The following NXPE4 variants were observed in gnomAD, a reference collection of about 807,000 sequenced individuals.
NXPE4 encodes NXPE family member 4.
Under a neutral mutation model 33.3 loss-of-function variants are expected in NXPE4, and 42 were observed. That is an observed-to-expected ratio of 1.26 (90% confidence interval 0.98 to 1.63). The LOEUF is 1.63. Ranked by LOEUF, NXPE4 falls within the 40% of genes most tolerant of loss-of-function variation. The probability of loss-of-function intolerance (pLI) is 0.00; values close to 1 mark genes in which losing one functional copy is unlikely to be tolerated. For missense variants in NXPE4, 709 were observed against 647.6 expected (o/e 1.09, Z -1.03); for synonymous variants, 253 against 234.9 (o/e 1.08, Z -0.71).
At chr11:114,660,456 A>G in the NXPE4 span, among the ~76,000 whole-genome samples, 3 of 152,050 alleles carry the variant, frequency 2.0e-5, no homozygotes, top group African/African-American at 7.2e-5. Flanking sequence ...CTTGTTCATC[A>G]TTTGAAGATC....
At chr11:114,651,226 G>A in the NXPE4 span, among the ~76,000 whole-genome samples, 1 of 152,018 alleles carries the variant, frequency 6.6e-6, no homozygotes, top group African/African-American at 2.4e-5. Flanking sequence ...GGTGTGTCTG[G>A]GGTTTCTTCC....
the NXPE4 span, among the ~76,000 whole-genome samples, chr11:114,600,855 C>G: frequency 1.3e-5 from 2 of 152,020 alleles, no homozygotes; most frequent in Non-Finnish European, 2.9e-5. Flanking sequence ...TATTTTGAAA[C>G]TTTTCTATAA....
rs374502869 is a variant in NXPE4 at position 114,571,063 on chromosome 11, G to A, written c.1510C>T (p.Gln504Ter). 10 of 1,613,748 alleles carry A rather than the reference G, an allele frequency of 6.2e-6. No individual in the cohort carries two copies. The African/African-American group carries it at 1.1e-4, about 17-fold the overall frequency. ...IQYLIIKDIF[Q>*]DLSVSIIDAW... ...TCAATGATACTCACACTGAGATCCT[G>A]GAAAATGTCCTTTATGATGAGATAT... is the stretch of plus-strand genomic sequence containing the variant. Residue 504 changes from glutamine (Q) to a stop codon, truncating the protein, a stop_gained, in exon 6 of 6, where the codon CAG becomes TAG. Transcript: ENST00000375478. LOFTEE classifies it high-confidence loss of function.
At chr11:114,670,049 G>A in the NXPE4 span, among the ~76,000 whole-genome samples, 1 of 152,028 alleles carries the variant, frequency 6.6e-6, no homozygotes, top group Non-Finnish European at 1.5e-5. Flanking sequence ...TAGCTAGGTA[G>A]AGCCCTATAG....
chr11:114,596,499 G>A (rs1259223494), upstream of NXPE4, among the ~76,000 whole-genome samples: 1 of 152,152 alleles, frequency 6.6e-6, no homozygotes, highest in Non-Finnish European at 1.5e-5. Context: ...TTTTTAAAAA[G>A]ATGGAATCAA....
At chr11:114,633,017 A>ATATAATATATAATAATATATATTATATAT in the NXPE4 span, among the ~76,000 whole-genome samples, 7 of 106,654 alleles carry the variant, frequency 6.6e-5, no homozygotes, top group South Asian at 2.6e-4. Flanking sequence ...ATATTATATA[A>ATATAATATATAATAATATATATTATATAT]TATATAATGT....
chr11:114,602,406 A>G, the NXPE4 span, among the ~76,000 whole-genome samples: 1 of 129,262 alleles, frequency 7.7e-6, no homozygotes, highest in African/African-American at 2.8e-5. Context: ...TATATTATAC[A>G]CTATTGAACA....
At chr11:114,576,444 T>G (rs994936614) in intron 5 of NXPE4, among the ~76,000 whole-genome samples, 4 of 151,770 alleles carry the variant, frequency 2.6e-5, no homozygotes, top group African/African-American at 9.7e-5. Context: ...CCTTCACAAT[T>G]TATACAGTCA....
At chr11:114,595,547 T>C (rs779191342) in intron 1 of NXPE4, 45 bp downstream of exon 1, 1 of 152,340 alleles carries the variant, frequency 6.6e-6, no homozygotes, top group Non-Finnish European at 1.5e-5. Context: ...AAAATAAATG[T>C]CACACCTTTC....
chr11:114,639,503 T>G, the NXPE4 span, among the ~76,000 whole-genome samples: 3 of 151,544 alleles, frequency 2.0e-5, no homozygotes, highest in African/African-American at 7.3e-5. Context: ...TGGCACTCCC[T>G]AGTGAGATGA....
the NXPE4 span, among the ~76,000 whole-genome samples, chr11:114,639,967 AT>A: frequency 5.4e-5 from 4 of 73,862 alleles, no homozygotes; most frequent in Non-Finnish European, 8.1e-5. Context: ...TATTAAATAT[AT>A]TATATATAAT....
At chr11:114,634,269 A>G in the NXPE4 span, among the ~76,000 whole-genome samples, 1,855 of 151,944 alleles carry the variant, frequency 0.012, 43 homozygotes, top group African/African-American at 0.042. Flanking sequence ...TTCTTTTGAG[A>G]AGTGTCTGTT....
chr11:114,626,654 A>G, the NXPE4 span, among the ~76,000 whole-genome samples: 5 of 152,366 alleles, frequency 3.3e-5, no homozygotes, highest in African/African-American at 1.2e-4. Flanking sequence ...CACCAGCAAC[A>G]GAACAAAGCT....
chr11:114,631,923 C>T, the NXPE4 span, among the ~76,000 whole-genome samples: 12 of 150,960 alleles, frequency 7.9e-5, no homozygotes, highest in Admixed American at 2.7e-4. Flanking sequence ...TACTGTTACC[C>T]GGTGGATAAT....
At chr11:114,587,958 A>G (rs893144606) in intron 2 of NXPE4, among the ~76,000 whole-genome samples, 8 of 152,166 alleles carry the variant, frequency 5.3e-5, no homozygotes, top group African/African-American at 1.9e-4. Flanking sequence ...CAACAATTAG[A>G]TATTTTCTGT....
At chr11:114,597,563 C>A (rs1949588753), upstream of NXPE4, among the ~76,000 whole-genome samples, 1 of 152,124 alleles carries the variant, frequency 6.6e-6, no homozygotes, top group African/African-American at 2.4e-5. Context: ...TATTTTCAAG[C>A]TCTGTCCATA....
At chr11:114,623,708 C>A in the NXPE4 span, among the ~76,000 whole-genome samples, 1 of 151,958 alleles carries the variant, frequency 6.6e-6, no homozygotes, top group African/African-American at 2.4e-5. Flanking sequence ...CAGTGTTACC[C>A]GATGGATAAT....
the NXPE4 span, among the ~76,000 whole-genome samples, chr11:114,623,827 T>A: frequency 6.6e-6 from 1 of 152,178 alleles, no homozygotes; most frequent in Non-Finnish European, 1.5e-5. Flanking sequence ...GGGTAACCAC[T>A]GTTACCTGGT....
the NXPE4 span, among the ~76,000 whole-genome samples, chr11:114,618,859 C>T: frequency 2.1e-5 from 3 of 142,274 alleles, no homozygotes; most frequent in Non-Finnish European, 3.1e-5. Context: ...CCCAGTGGAT[C>T]CTAAGTATTG....
Sources: allele counts gnomAD v4.1 joint callset (sites outside exome capture counted in the v4.1 genomes callset), GRCh38; gene constraint gnomAD v4.1.1; transcripts MANE v1.5; gene names NCBI Gene and HGNC (gene_info 2026-07-23, HGNC 2026-07-21).